The following MAP2K3 variants were observed in gnomAD, a reference collection of about 807,000 sequenced individuals.
MAP2K3 encodes dual specificity mitogen-activated protein kinase kinase 3.
MAP2K3 carries 30 observed loss-of-function variants against 46.4 expected under a neutral mutation model. That is an observed-to-expected ratio of 0.65 (90% CI 0.48 to 0.88). The LOEUF is 0.88. MAP2K3 is among the 40% of genes least tolerant of loss of function. MAP2K3 has a pLI of 0.00. For missense variants in MAP2K3, 380 were observed against 464.5 expected (o/e 0.82, Z 1.67); for synonymous variants, 189 against 176.3 (o/e 1.07, Z -0.57).
intron 6 of MAP2K3, 63 bp from the exon 7 acceptor site, chr17:21,303,120 G>T: frequency 6.2e-7 from 1 of 1,608,090 alleles, no homozygotes; most frequent in Non-Finnish European, 8.5e-7. Flanking sequence ...CTGCTCTGTC[G>T]TTTTTGACGT....
intron 1 of MAP2K3, among the ~76,000 whole-genome samples, chr17:21,293,973 G>T (rs1242551235): frequency 6.6e-6 from 1 of 152,306 alleles, no homozygotes; most frequent in Non-Finnish European, 1.5e-5. Context: ...CTTGGCAGTG[G>T]CGTCTGCAGT....
At chr17:21,301,323 C>T (rs200088288) in intron 5 of MAP2K3, among the ~76,000 whole-genome samples, 1,638 of 151,208 alleles carry the variant, frequency 0.011, no homozygotes, top group African/African-American at 0.038. Flanking sequence ...GCATATGGGG[C>T]GTGGGGTGCC....
intron 1 of MAP2K3, chr17:21,288,176 C>G (rs1323877237): frequency 9.2e-7 from 1 of 1,081,358 alleles, no homozygotes; most frequent in African/African-American, 1.6e-5. Context: ...TGCCTGCCAG[C>G]CTGGTGGGTG....
chr17:21,301,749 C>A (rs928187828), intron 5 of MAP2K3, among the ~76,000 whole-genome samples: 1 of 152,310 alleles, frequency 6.6e-6, no homozygotes, highest in African/African-American at 2.4e-5. Flanking sequence ...CAGGTCCTTG[C>A]AGGCAGGGAG....
chr17:21,293,642 G>A (rs1301323016), intron 1 of MAP2K3, among the ~76,000 whole-genome samples: 1 of 152,308 alleles, frequency 6.6e-6, no homozygotes, highest in Non-Finnish European at 1.5e-5. Context: ...GTGAGGCCCT[G>A]GAGGCCAGGC....
chr17:21,302,057 C>A, intron 5 of MAP2K3, 86 bp from the exon 6 acceptor site: 2 of 1,347,638 alleles, frequency 1.5e-6, no homozygotes, highest in Non-Finnish European at 2.1e-6. Flanking sequence ...GGGGCTGGGG[C>A]TGGGGCTGGT....
intron 9 of MAP2K3, chr17:21,311,775 G>C (rs1382076091): frequency 5.5e-6 from 1 of 181,682 alleles, no homozygotes; most frequent in African/African-American, 2.4e-5. Flanking sequence ...CTGCCCACCT[G>C]GCTCATGAGG....
At chr17:21,301,224 AC>A (rs1404392218) in intron 5 of MAP2K3, among the ~76,000 whole-genome samples, 1 of 152,306 alleles carries the variant, frequency 6.6e-6, no homozygotes, top group Non-Finnish European at 1.5e-5. Flanking sequence ...CGGAAGGTAA[AC>A]GACATGGCCT....
chr17:21,307,747 G>A (rs1351396966), intron 9 of MAP2K3, among the ~76,000 whole-genome samples: 3 of 146,588 alleles, frequency 2.0e-5, no homozygotes, highest in African/African-American at 5.0e-5. Flanking sequence ...GGACGATCTC[G>A]GCTTACTGCA....
At chr17:21,290,019 TC>T (rs1163182524) in intron 1 of MAP2K3, among the ~76,000 whole-genome samples, 1 of 152,096 alleles carries the variant, frequency 6.6e-6, no homozygotes, top group Non-Finnish European at 1.5e-5. Flanking sequence ...GGCGGCTATA[TC>T]GAGTGCCCTG....
intron 3 of MAP2K3, among the ~76,000 whole-genome samples, chr17:21,299,917 G>A (rs1409897516): frequency 1.3e-5 from 2 of 152,296 alleles, no homozygotes; most frequent in Non-Finnish European, 2.9e-5. Flanking sequence ...AGGAGGTGGA[G>A]GTTGCAGTGA....
rs559602433 is a variant in MAP2K3, at chr17:21,303,370, C to G, written c.568+136C>G. On this transcript the variant is annotated intron_variant, in intron 7 of 11. Coordinates refer to ENST00000342679, the MANE Select transcript of MAP2K3 (RefSeq NM_145109.3). Reference sequence around the variant, plus strand: ...GTGACGTGCCCGATGGGGTTCCAGCCGCTTTCCACCTGCAGCCCTGCAGCT... The same window carrying G: ...GTGACGTGCCCGATGGGGTTCCAGCGGCTTTCCACCTGCAGCCCTGCAGCT... 14 of 1,240,330 alleles carry G rather than the reference C, an allele frequency of 1.1e-5. No homozygotes were observed. In the South Asian group the frequency reaches 1.7e-4, roughly 15 times the overall value. 76.8% of individuals were successfully genotyped at this position (1,240,330 alleles called of 1,614,324 possible).
intron 1 of MAP2K3, among the ~76,000 whole-genome samples, chr17:21,297,993 C>T (rs1449960433): frequency 3.0e-5 from 4 of 132,918 alleles, no homozygotes; most frequent in Non-Finnish European, 5.0e-5. Flanking sequence ...CCCCATCCTG[C>T]TACCTGCAGC....
At chr17:21,309,687 TACTGCAA>T (rs1977071730) in intron 9 of MAP2K3, among the ~76,000 whole-genome samples, 1 of 152,088 alleles carries the variant, frequency 6.6e-6, no homozygotes, top group Non-Finnish European at 1.5e-5. Flanking sequence ...GATCTCGGCT[TACTGCAA>T]CCTCCGCCTC....
At chr17:21,309,095 C>G (rs541383853) in intron 9 of MAP2K3, among the ~76,000 whole-genome samples, 7 of 152,430 alleles carry the variant, frequency 4.6e-5, no homozygotes, top group Admixed American at 3.3e-4. Context: ...CCCAAGACGG[C>G]CTCACAAACA....
chr17:21,311,591 C>T (rs1977162217), intron 9 of MAP2K3: 1 of 149,384 alleles, frequency 6.7e-6, no homozygotes. Context: ...ACACTCTGTC[C>T]GCGGCCTTGG....
At chr17:21,293,322 C>T (rs1000180896) in intron 1 of MAP2K3, among the ~76,000 whole-genome samples, 1 of 152,154 alleles carries the variant, frequency 6.6e-6, no homozygotes, top group Admixed American at 6.5e-5. Context: ...GCCTCCTTCC[C>T]TCTCCAGCGA....
In MAP2K3 at chr17:21,303,210, A is replaced by G; in HGVS notation, c.544A>G (p.Ser182Gly). 6.2e-7 allele frequency: 1 copy of G among 1,614,236 alleles called. No individual in the cohort carries two copies. Among genetic ancestry groups the G allele is most frequent in the East Asian group, 2.2e-5 (1 of 44,896 alleles). The change falls in exon 7 of 12, where the codon AGC becomes GGC. Residue 182 changes from serine to glycine, a missense_variant. Physicochemically the swap from Ser to Gly is moderately conservative, Grantham distance 56. Around this residue, in one of 5 missense-constraint regions of MAP2K3, gnomAD observed 294 missense variants for 275.4 expected, o/e 1.07. Transcript: ENST00000342679. ...CGTGCGGGCCCTGGAGCATCTGCAC[A>G]GCAAGCTGTCGGTGATCCACAGAGG... ...SIVRALEHLHSKLSVIHRDVK... is the reference protein window; with the variant it reads ...SIVRALEHLHGKLSVIHRDVK...
Position 21,314,290 on chromosome 17 carries a change from C to T in MAP2K3, c.*60C>T, listed in dbSNP as rs1195790853. 39 of 1,408,298 alleles carry T rather than the reference C, an allele frequency of 2.8e-5. No individual in the cohort carries two copies. Among genetic ancestry groups the T allele is most frequent in the Non-Finnish European group, 3.8e-5 (38 of 996,904 alleles). The allele number at this position is 1,408,298 out of a possible 1,614,324, so 87.2% of individuals were successfully genotyped here. On this transcript the variant is annotated 3_prime_UTR_variant, in exon 12 of 12. Transcript: ENST00000342679. ...AGCCCCACAGCCCCATCTGCGGGGG[C>T]AGTGCTCACCCACACCATAAGCTAC...
Sources: allele counts gnomAD v4.1 joint callset (sites outside exome capture counted in the v4.1 genomes callset), GRCh38; gene constraint gnomAD v4.1.1; regional missense constraint gnomAD v4.1.1; transcripts MANE v1.5; gene names NCBI Gene and HGNC (gene_info 2026-07-23, HGNC 2026-07-21).